PTPRD: variants seen among roughly 807,000 people sequenced by gnomAD.
PTPRD encodes receptor-type tyrosine-protein phosphatase delta.
A neutral mutation model predicts 214.5 loss-of-function variants in PTPRD; 34 were observed. The ratio of observed to expected loss-of-function variants is 0.16; its 90% confidence interval spans 0.12 to 0.21. PTPRD has a LOEUF of 0.21. PTPRD is among the 10% of genes least tolerant of loss of function. PTPRD has a pLI of 1.00. For missense variants in PTPRD, 2,545 were observed against 2,398.7 expected (o/e 1.06, Z -1.27); for synonymous variants, 1,128 against 845.7 (o/e 1.33, Z -5.79).
chr9:9,870,719 T>G lies in PTPRD; in HGVS notation c.-368+67788A>C, dbSNP rs185610953. Among the ~76,000 whole-genome samples the G allele has an allele frequency of 4.7e-3, 713 of 152,140 alleles. 6 individuals carry two copies. Among genetic ancestry groups the G allele is most frequent in the African/African-American group, 0.016 (684 of 41,534 alleles). On this transcript the variant is annotated intron_variant, in intron 5 of 45. Transcript: ENST00000381196. Reference sequence around the variant, plus strand: ...TCTTCTGAAAGATTTGAGGATGAAGTGTACTGATGTTCGCAATCTAATATT... The same window carrying G: ...TCTTCTGAAAGATTTGAGGATGAAGGGTACTGATGTTCGCAATCTAATATT...
At chr9:9,682,226 G>C (rs933449194) in intron 7 of PTPRD, among the ~76,000 whole-genome samples, 3 of 151,768 alleles carry the variant, frequency 2.0e-5, no homozygotes, top group Non-Finnish European at 4.4e-5. Flanking sequence ...CTGCAAAGAA[G>C]ACAGGGACAG....
At chr9:8,775,599 T>C (rs529979405) in intron 11 of PTPRD, among the ~76,000 whole-genome samples, 2 of 152,328 alleles carry the variant, frequency 1.3e-5, no homozygotes, top group South Asian at 2.1e-4. Flanking sequence ...TCAACTTTTA[T>C]TTTAGAGTCA....
chr9:10,123,879 G>T (rs1591743159), intron 3 of PTPRD, among the ~76,000 whole-genome samples: 1 of 152,144 alleles, frequency 6.6e-6, no homozygotes, highest in African/African-American at 2.4e-5. Flanking sequence ...ATAGTGCTAA[G>T]TCCATGGCAA....
intron 10 of PTPRD, among the ~76,000 whole-genome samples, chr9:9,153,393 G>A (rs2099878517): frequency 6.6e-6 from 1 of 152,164 alleles, no homozygotes; most frequent in Non-Finnish European, 1.5e-5. Flanking sequence ...ATATGTGTGT[G>A]AGGATGTATG....
intron 39 of PTPRD, among the ~76,000 whole-genome samples, chr9:8,345,040 A>T (rs1247433481): frequency 2.0e-5 from 2 of 98,764 alleles, no homozygotes; most frequent in South Asian, 6.4e-4. Flanking sequence ...CTTTAGAAAC[A>T]TTTGAGATTT....
In PTPRD at chr9:9,954,535, G is replaced by C. The variant is rs561779860; in HGVS notation, c.-471-15925C>G. ...ATAATCAGACAATAAATTTTTCATAGTTTAAAACAAGAATATAAAATAATG... is the reference window on the plus strand; with the variant it reads ...ATAATCAGACAATAAATTTTTCATACTTTAAAACAAGAATATAAAATAATG... On this transcript the variant is annotated intron_variant, in intron 4 of 45. Coordinates refer to ENST00000381196, the MANE Select transcript of PTPRD (RefSeq NM_002839.4). Among the ~76,000 whole-genome samples, 20 of 148,696 alleles carry C rather than the reference G, an allele frequency of 1.3e-4. No individual in the cohort carries two copies. In the South Asian group the frequency reaches 4.2e-3, roughly 31 times the overall value.
intron 5 of PTPRD, among the ~76,000 whole-genome samples, chr9:9,771,800 C>G (rs573638117): frequency 9.9e-5 from 15 of 152,116 alleles, no homozygotes; most frequent in African/African-American, 3.6e-4. Flanking sequence ...TTATTAAATC[C>G]AATGTCTTTG....
intron 3 of PTPRD, among the ~76,000 whole-genome samples, chr9:10,283,460 C>G (rs929602969): frequency 5.9e-5 from 9 of 152,178 alleles, no homozygotes; most frequent in African/African-American, 2.2e-4. Flanking sequence ...AGTAAGTTAA[C>G]TAAAGATTAA....
intron 2 of PTPRD, among the ~76,000 whole-genome samples, chr9:10,577,889 T>C (rs2070028173): frequency 1.3e-5 from 2 of 150,068 alleles, no homozygotes. Flanking sequence ...TTAAACTAAA[T>C]ATTCCAAATC....
At chr9:10,502,496 C>G (rs2044119247) in intron 2 of PTPRD, among the ~76,000 whole-genome samples, 1 of 151,996 alleles carries the variant, frequency 6.6e-6, no homozygotes, top group Non-Finnish European at 1.5e-5. Flanking sequence ...CCACAAGACA[C>G]AATTTTCACC....
intron 7 of PTPRD, among the ~76,000 whole-genome samples, chr9:9,700,887 T>A (rs1412927955): frequency 6.6e-6 from 1 of 152,074 alleles, no homozygotes; most frequent in Non-Finnish European, 1.5e-5. Context: ...ACTGACAATC[T>A]AACAGAAAGT....
In PTPRD at chr9:9,425,232, C is replaced by A. The variant is rs2080360706; in HGVS notation, c.-236-27750G>T. ...TTGGCTCCCAGAAGAACCATGGCAGCTGTCATCAGGAGAGACATACCAAAT... is the reference window on the plus strand; with the variant it reads ...TTGGCTCCCAGAAGAACCATGGCAGATGTCATCAGGAGAGACATACCAAAT... On this transcript the variant is annotated intron_variant, in intron 8 of 45. Transcript: ENST00000381196. Among the ~76,000 whole-genome samples, 3 of 152,070 alleles carry A rather than the reference C, an allele frequency of 2.0e-5. No individual in the cohort carries two copies. In the South Asian group the frequency reaches 6.2e-4, roughly 32 times the overall value.
intron 35 of PTPRD, among the ~76,000 whole-genome samples, chr9:8,424,885 G>C (rs988767512): frequency 2.0e-5 from 3 of 152,136 alleles, no homozygotes; most frequent in African/African-American, 7.2e-5. Context: ...CTTCATGCAT[G>C]AACTTTTAAG....
intron 43 of PTPRD, among the ~76,000 whole-genome samples, chr9:8,334,525 G>A (rs1844739447): frequency 7.2e-6 from 1 of 139,524 alleles, no homozygotes; most frequent in Admixed American, 7.2e-5. Context: ...GAATCTCTGG[G>A]ACACATTTAA....
chr9:10,551,189 A>T (rs1347986117), intron 2 of PTPRD, among the ~76,000 whole-genome samples: 2 of 152,082 alleles, frequency 1.3e-5, no homozygotes, highest in East Asian at 1.9e-4. Flanking sequence ...CCTTAAAAAA[A>T]GTAGCCATGT....
chr9:8,988,594 T>C (rs1049279271), intron 11 of PTPRD, among the ~76,000 whole-genome samples: 2 of 152,160 alleles, frequency 1.3e-5, no homozygotes. Flanking sequence ...TGATGGGCTT[T>C]ATTTCCAAAA....
At chr9:9,573,364 T>C (rs969251674) in intron 8 of PTPRD, among the ~76,000 whole-genome samples, 1 of 151,442 alleles carries the variant, frequency 6.6e-6, no homozygotes, top group Non-Finnish European at 1.5e-5. Context: ...TCTATAGGTT[T>C]AGTGACTAGA....
At chr9:10,260,135 A>T (rs2093598526) in intron 3 of PTPRD, among the ~76,000 whole-genome samples, 1 of 152,222 alleles carries the variant, frequency 6.6e-6, no homozygotes, top group South Asian at 2.1e-4. Context: ...ATCAACATTT[A>T]ACCATGTTCC....
intron 14 of PTPRD, among the ~76,000 whole-genome samples, chr9:8,622,571 T>C (rs1228258332): frequency 2.6e-5 from 4 of 151,926 alleles, no homozygotes; most frequent in African/African-American, 7.2e-5. Context: ...CCATCAGAGA[T>C]TGTAGCTTCC....
Sources: gnomAD v4.1 joint callset for allele counts (sites outside exome capture counted in the v4.1 genomes callset) on GRCh38, gnomAD v4.1.1 for gene constraint, MANE v1.5 for transcripts, NCBI Gene and HGNC (gene_info 2026-07-23, HGNC 2026-07-21) for gene names.